TWIST2: variants seen among roughly 807,000 people sequenced by gnomAD.
TWIST2 encodes twist-related protein 2.
A neutral mutation model predicts 11.6 loss-of-function variants in TWIST2; 1 was observed. The observed-to-expected ratio is 0.09, with a 90% CI of 0.03 to 0.41. The LOEUF (loss-of-function observed/expected upper bound fraction) is 0.41, where lower values mean the gene tolerates loss of function less well. Among genes scored for constraint, TWIST2 ranks in the 10% least tolerant of loss-of-function variants. TWIST2 has a pLI of 0.98. For synonymous variants in TWIST2, 87 were observed against 96.6 expected (o/e 0.90, Z 0.58); for missense variants, 168 against 226.4 (o/e 0.74, Z 1.66).
chr2:238,853,393 G>A (rs772746766), intron 1 of TWIST2, among the ~76,000 whole-genome samples: 3 of 151,064 alleles, frequency 2.0e-5, no homozygotes, highest in Non-Finnish European at 3.0e-5. Flanking sequence ...GAGAGAGAGA[G>A]AGAGAGAGAG....
chr2:238,868,994 G>A (rs767904891), intron 1 of TWIST2, among the ~76,000 whole-genome samples: 27 of 152,226 alleles, frequency 1.8e-4, no homozygotes, highest in African/African-American at 5.1e-4. Flanking sequence ...AGACAGTGTC[G>A]TCCGCACCAG....
At chr2:238,900,609 T>A (rs1693257238) in intron 1 of TWIST2, among the ~76,000 whole-genome samples, 1 of 152,182 alleles carries the variant, frequency 6.6e-6, no homozygotes, top group African/African-American at 2.4e-5. Flanking sequence ...GCAGCTGCAT[T>A]GCTTCTCTCG....
chr2:238,853,391 G>A (rs1425289295), intron 1 of TWIST2, among the ~76,000 whole-genome samples: 1 of 147,294 alleles, frequency 6.8e-6, no homozygotes, highest in Non-Finnish European at 1.5e-5. Flanking sequence ...GGGAGAGAGA[G>A]AGAGAGAGAG....
chr2:238,909,831 G>T lies in TWIST2; in HGVS notation c.*36-11G>T, dbSNP rs1198479438. The T allele has an allele frequency of 6.6e-6, 1 of 152,270 alleles. No individual in the cohort carries two copies. The highest frequency in any genetic ancestry group is 2.4e-5 in the African/African-American group (1 of 41,448). The allele number at this position is 152,270 out of a possible 1,614,324, so 9.4% of individuals were successfully genotyped here. ...GGCCGTAGCTCACGGTCCCCCTTCCGTATCTTCCAGGCTGTCCGTCGCGTC... is the reference window on the plus strand; with the variant it reads ...GGCCGTAGCTCACGGTCCCCCTTCCTTATCTTCCAGGCTGTCCGTCGCGTC... On this transcript the variant is annotated splice_polypyrimidine_tract_variant and intron_variant, in intron 1 of 1. Transcript: ENST00000612363.
intron 1 of TWIST2, among the ~76,000 whole-genome samples, chr2:238,868,298 C>G (rs1010092518): frequency 5.3e-5 from 8 of 152,232 alleles, no homozygotes; most frequent in African/African-American, 1.9e-4. Context: ...GGTCTCAAAC[C>G]TGACTGCCCA....
chr2:238,848,169 G>C lies in TWIST2; in HGVS notation c.-47G>C. On this transcript the variant is annotated 5_prime_UTR_variant, in exon 1 of 2. Transcript: ENST00000612363. ...ACCGCGGGCTTGGCCAGCGGCGCGC[G>C]CTCGGCGCCCCGGCGCCCCCAGCCC... The C allele has an allele frequency of 8.3e-7, 1 of 1,198,230 alleles. No individual in the cohort carries two copies. The highest frequency in any genetic ancestry group is 1.0e-6 in the Non-Finnish European group (1 of 967,038). The allele number at this position is 1,198,230 out of a possible 1,614,324, so 74.2% of individuals were successfully genotyped here. A position where few individuals can be genotyped will look rare whatever the true frequency, so the allele number is the denominator to read the frequency against.
chr2:238,900,761 G>A (rs1444913661), intron 1 of TWIST2, among the ~76,000 whole-genome samples: 6 of 152,124 alleles, frequency 3.9e-5, no homozygotes, highest in Non-Finnish European at 7.4e-5. Flanking sequence ...TCTGCTGGTT[G>A]TCTGGGTCTG....
chr2:238,905,032 GTAGGTGGGTGGC>G (rs1354637678), intron 1 of TWIST2, among the ~76,000 whole-genome samples: 39,663 of 151,710 alleles, frequency 0.26, 5,263 homozygotes, highest in Non-Finnish European at 0.28. Context: ...AAAGAAGTAG[GTAGGTGGGTGGC>G]TAGGTGGGTG....
At chr2:238,862,021 A>G (rs947033343) in intron 1 of TWIST2, among the ~76,000 whole-genome samples, 6 of 152,242 alleles carry the variant, frequency 3.9e-5, no homozygotes, top group East Asian at 1.9e-4. Flanking sequence ...CTGAGGTGCC[A>G]TGGCCCAGGC....
chr2:238,873,124 C>T (rs1692738523), intron 1 of TWIST2, among the ~76,000 whole-genome samples: 1 of 152,210 alleles, frequency 6.6e-6, no homozygotes, highest in African/African-American at 2.4e-5. Flanking sequence ...GACAAGGATG[C>T]CTCCTCCTGG....
chr2:238,880,049 GAGTGTT>G (rs377634418), intron 1 of TWIST2, among the ~76,000 whole-genome samples: 4 of 152,118 alleles, frequency 2.6e-5, no homozygotes, highest in East Asian at 1.9e-4. Context: ...TATTTAGTGT[GAGTGTT>G]AGTGTTAGTA....
chr2:238,867,065 C>T lies in TWIST2; in HGVS notation c.*35+18332C>T, dbSNP rs995856609. 4.6e-5 allele frequency among the ~76,000 whole-genome samples: 7 copies of T among 152,128 alleles called. No individual in the cohort carries two copies. Among genetic ancestry groups the T allele is most frequent in the South Asian group, 2.1e-4 (1 of 4,824 alleles). On this transcript the variant is annotated intron_variant, in intron 1 of 1. Transcript: ENST00000612363. This position sits in a 1 kb window ranked among gnomAD's most constrained non-coding sequence, Gnocchi z 4.8. ...TTCCCTGGCTGCCTTCCAAGCAGAA[C>T]GCACCTGGCAGCCTGGGGGTCTTGT...
intron 1 of TWIST2, among the ~76,000 whole-genome samples, chr2:238,893,424 T>C (rs1217150340): frequency 6.6e-6 from 1 of 152,132 alleles, no homozygotes; most frequent in Non-Finnish European, 1.5e-5. Context: ...CAGTTAAAAA[T>C]TGTTCAAGGG....
rs1692494804 is a variant in TWIST2, at chr2:238,864,434, G to T, written c.*35+15701G>T. 6.6e-6 allele frequency among the ~76,000 whole-genome samples: 1 copy of T among 151,124 alleles called. No individual in the cohort carries two copies. The highest frequency in any genetic ancestry group is 2.5e-5 in the African/African-American group (1 of 40,554). On this transcript the variant is annotated intron_variant, in intron 1 of 1. Transcript: ENST00000612363. The surrounding 1 kb of genome is among the most constrained non-coding windows in gnomAD (Gnocchi z 4.7). ...GAGTGACTCAGAGCCGTGGCTTTTT[G>T]TCCTCTGGCTGTGCAAATAAACAGA...
intron 1 of TWIST2, among the ~76,000 whole-genome samples, chr2:238,889,034 C>A (rs1406593047): frequency 1.3e-5 from 2 of 152,250 alleles, no homozygotes; most frequent in Non-Finnish European, 2.9e-5. Context: ...TGGGTCTGTC[C>A]TGGTCACACA....
At chr2:238,892,292 G>A (rs368091773) in intron 1 of TWIST2, among the ~76,000 whole-genome samples, 1 of 152,210 alleles carries the variant, frequency 6.6e-6, no homozygotes, top group Non-Finnish European at 1.5e-5. Flanking sequence ...GAGGCGGCAC[G>A]AGGAGGGGGC....
At chr2:238,891,652 C>G (rs1693136185) in intron 1 of TWIST2, among the ~76,000 whole-genome samples, 2 of 152,236 alleles carry the variant, frequency 1.3e-5, no homozygotes, top group South Asian at 4.1e-4. Context: ...CAGGTGGGGG[C>G]CTTGAGACAA....
intron 1 of TWIST2, among the ~76,000 whole-genome samples, chr2:238,870,185 CATCACATA>C (rs1692630195): frequency 2.2e-4 from 1 of 4,448 alleles, no homozygotes; most frequent in Admixed American, 2.9e-3. Context: ...CCCACACACA[CATCACATA>C]CCACACACAA....
At chr2:238,896,231 G>A (rs990615707) in intron 1 of TWIST2, among the ~76,000 whole-genome samples, 1 of 152,290 alleles carries the variant, frequency 6.6e-6, no homozygotes. Context: ...CCCTGACGGC[G>A]AACGCCCCAT....
Sources: allele counts gnomAD v4.1 joint callset (sites outside exome capture counted in the v4.1 genomes callset), GRCh38; gene constraint gnomAD v4.1.1; non-coding constraint Gnocchi (gnomAD v3.1); transcripts MANE v1.5; gene names NCBI Gene and HGNC (gene_info 2026-07-23, HGNC 2026-07-21).